MAST4: variants seen among roughly 807,000 people sequenced by gnomAD.
MAST4 encodes microtubule associated serine/threonine kinase family member 4.
MAST4 carries 89 observed loss-of-function variants against 162.7 expected under a neutral mutation model. That is an observed-to-expected ratio of 0.55 (90% CI 0.46 to 0.65). MAST4 has a LOEUF of 0.65. Ranked by LOEUF, MAST4 falls within the 30% of genes least tolerant of loss-of-function variation. The pLI is 0.00. For missense variants in MAST4, 3,153 were observed against 3,374.0 expected, an observed-to-expected ratio of 0.93 and a Z score of 1.62; for synonymous variants, 1,479 against 1,361.1, an observed-to-expected ratio of 1.09 and a Z score of -1.91.
chr5:66,918,585 G>A (rs955972898), intron 4 of MAST4, among the ~76,000 whole-genome samples: 3 of 151,952 alleles, frequency 2.0e-5, no homozygotes, highest in South Asian at 2.1e-4. Flanking sequence ...TAATAAATAC[G>A]TTGTGTTTTT....
At chr5:66,660,728 A>T (rs910675298) in intron 1 of MAST4, among the ~76,000 whole-genome samples, 2 of 152,162 alleles carry the variant, frequency 1.3e-5, no homozygotes, top group Non-Finnish European at 2.9e-5. Context: ...GGATAAAACT[A>T]TTTTTTTGAT....
chr5:67,044,445 A>C (rs1270880881), intron 4 of MAST4, among the ~76,000 whole-genome samples: 1 of 152,168 alleles, frequency 6.6e-6, no homozygotes, highest in Non-Finnish European at 1.5e-5. Flanking sequence ...CACATTAATT[A>C]CTTTTTTACT....
At chr5:66,926,574 A>ATG (rs1415799033) in intron 4 of MAST4, among the ~76,000 whole-genome samples, 7 of 151,768 alleles carry the variant, frequency 4.6e-5, no homozygotes, top group African/African-American at 1.7e-4. Flanking sequence ...CTCTATATAT[A>ATG]TACACACACA....
intron 1 of MAST4, among the ~76,000 whole-genome samples, chr5:66,669,784 G>T (rs921007813): frequency 1.3e-5 from 2 of 152,230 alleles, no homozygotes; most frequent in African/African-American, 2.4e-5. Context: ...TACAGTGAGG[G>T]TGGGGGTGTG....
At position 67,166,834 on chromosome 5, in the gene MAST4, C is replaced by T. The variant is rs564196683; in HGVS notation, c.7655C>T (p.Ser2552Leu). 27 of 1,603,862 alleles carry T rather than the reference C, an allele frequency of 1.7e-5. No homozygotes were observed. The highest frequency in any genetic ancestry group is 1.4e-4 in the Admixed American group (8 of 58,446). Residue 2552 changes from serine to leucine, a missense_variant, in exon 29 of 29, where the codon TCG (serine) becomes TTG (leucine). Physicochemically the swap from Ser to Leu is moderately radical, Grantham distance 145. Transcript: ENST00000403625. ...GCCAGCCACCGGGACAGGGCTCTCT[C>T]GGTGACTGCCACCGTAGGGGAAACC... ...GGASHRDRAL[S>L]VTATVGETKG...
intron 4 of MAST4, among the ~76,000 whole-genome samples, chr5:66,911,900 C>T (rs1303317337): frequency 6.6e-6 from 1 of 151,926 alleles, no homozygotes; most frequent in African/African-American, 2.4e-5. Flanking sequence ...TGATTTTTAA[C>T]TTTTGGTGTG....
intron 1 of MAST4, among the ~76,000 whole-genome samples, chr5:66,700,976 T>G (rs1023127599): frequency 6.6e-6 from 1 of 152,030 alleles, no homozygotes; most frequent in East Asian, 1.9e-4. Context: ...TTTGCAAATA[T>G]GTTTTTAATC....
At chr5:66,779,069 A>G (rs961320799) in intron 2 of MAST4, among the ~76,000 whole-genome samples, 1 of 152,222 alleles carries the variant, frequency 6.6e-6, no homozygotes, top group Non-Finnish European at 1.5e-5. Context: ...TATAGTTAGC[A>G]ATGTTGTGTT....
At chr5:67,069,312 A>ATATATATATATATAT (rs1561606003) in intron 5 of MAST4, among the ~76,000 whole-genome samples, 75 of 133,920 alleles carry the variant, frequency 5.6e-4, no homozygotes, top group African/African-American at 7.7e-4. Flanking sequence ...ATATATATAT[A>ATATATATATATATAT]AAATTTTAAA....
intron 5 of MAST4, among the ~76,000 whole-genome samples, chr5:67,056,136 T>G (rs185173085): frequency 6.6e-6 from 1 of 151,960 alleles, no homozygotes; most frequent in Non-Finnish European, 1.5e-5. Context: ...TGTTAAAGAT[T>G]GATTTCATGA....
In MAST4 at chr5:67,054,467, A is replaced by G; in HGVS notation, c.738A>G (p.Pro246=). 1.2e-6 allele frequency: 2 copies of G among 1,610,834 alleles called. No homozygotes were observed. Among genetic ancestry groups the G allele is most frequent in the Non-Finnish European group, 1.7e-6 (2 of 1,178,600 alleles). Residue 246 remains proline (P), a synonymous_variant, in exon 5 of 29, where the codon CCA becomes CCG. Transcript: ENST00000403625. The part of the protein sequence containing the change: ...GNGQSPALPR[P]HSPLSAHAGN... ...GGCAGTCACCAGCATTGCCTCGACCACACTCACCTCTCTCTGCTCATGCAG... is the reference window on the plus strand; with the variant it reads ...GGCAGTCACCAGCATTGCCTCGACCGCACTCACCTCTCTCTGCTCATGCAG...
chr5:66,603,107 C>T (rs1268963814), intron 1 of MAST4, among the ~76,000 whole-genome samples: 1 of 152,190 alleles, frequency 6.6e-6, no homozygotes, highest in Non-Finnish European at 1.5e-5. Flanking sequence ...CTACAAGTCC[C>T]TTGCCTGATG....
chr5:67,166,105 A>T lies in MAST4; in HGVS notation c.6926A>T (p.His2309Leu), dbSNP rs371345908. The T allele has an allele frequency of 1.2e-6, 2 of 1,611,134 alleles. No homozygotes were observed. Among genetic ancestry groups the T allele is most frequent in the Non-Finnish European group, 1.7e-6 (2 of 1,178,612 alleles). Reference sequence around the variant, plus strand: ...CCTGTGCATTTGCCAAGGCCGGGACACCCAGGGCCTAGTGAGCCAGCGGAC... The same window carrying T: ...CCTGTGCATTTGCCAAGGCCGGGACTCCCAGGGCCTAGTGAGCCAGCGGAC... ...EKPVHLPRPG[H>L]PGPSEPADQK... Residue 2309 changes from histidine (H) to leucine (L), a missense_variant, in exon 29 of 29, where the codon CAC (histidine) becomes CTC (leucine). This residue lies in a region of MAST4 where 1,644 missense variants were observed against 1,495.0 expected (regional missense o/e 1.10). Transcript: ENST00000403625.
chr5:66,726,583 G>A (rs1448578261), intron 1 of MAST4, among the ~76,000 whole-genome samples: 1 of 152,114 alleles, frequency 6.6e-6, no homozygotes, highest in Non-Finnish European at 1.5e-5. Context: ...AGGCCTTTAA[G>A]TTGGGGACTG....
At chr5:67,055,726 T>C (rs961078103) in intron 5 of MAST4, among the ~76,000 whole-genome samples, 30 of 152,288 alleles carry the variant, frequency 2.0e-4, no homozygotes, top group African/African-American at 6.0e-4. Context: ...CTTACACAGA[T>C]GAAGACAAGT....
intron 1 of MAST4, among the ~76,000 whole-genome samples, chr5:66,646,852 T>G (rs1298181903): frequency 1.3e-5 from 2 of 152,196 alleles, no homozygotes; most frequent in Non-Finnish European, 2.9e-5. Flanking sequence ...AAGATAGACA[T>G]CAGGTTTCTC....
At position 67,166,936 on chromosome 5, in the gene MAST4, C is replaced by T; in HGVS notation, c.7757C>T (p.Ser2586Phe). ...GTGGGCAGAGACGTGACCAAGCCAT[C>T]CCCAGCCCCAAACACTGACCGCCCC... ...QNVGRDVTKP[S>F]PAPNTDRPIS... Residue 2586 changes from serine to phenylalanine, a missense_variant, in exon 29 of 29, where the codon TCC becomes TTC. Physicochemically the swap from Ser to Phe is radical, Grantham distance 155 (BLOSUM62 -2). Transcript: ENST00000403625. The T allele has an allele frequency of 6.2e-7, 1 of 1,612,150 alleles. No individual in the cohort carries two copies. Among genetic ancestry groups the T allele is most frequent in the Non-Finnish European group, 8.5e-7 (1 of 1,179,500 alleles).
Sources: allele counts gnomAD v4.1 joint callset (sites outside exome capture counted in the v4.1 genomes callset), GRCh38; gene constraint gnomAD v4.1.1; regional missense constraint gnomAD v4.1.1; transcripts MANE v1.5; gene names NCBI Gene and HGNC (gene_info 2026-07-23, HGNC 2026-07-21).